Variants in NUB1 observed in about 807,000 individuals in gnomAD.
The protein encoded by NUB1 is NEDD8 ultimate buster 1.
A neutral mutation model predicts 77.1 loss-of-function variants in NUB1; 41 were observed. The ratio of observed to expected loss-of-function variants is 0.53; its 90% CI spans 0.41 to 0.69. The LOEUF (loss-of-function observed/expected upper bound fraction) is 0.69. NUB1 is among the 30% of genes least tolerant of loss of function. The pLI is 0.00. For missense variants in NUB1, 643 were observed against 743.8 expected, an observed-to-expected ratio of 0.86 and a Z score of 1.58; for synonymous variants, 257 against 281.0, an observed-to-expected ratio of 0.91 and a Z score of 0.85.
intron 3 of NUB1, 45 bp downstream of exon 3, chr7:151,349,285 G>A (rs1209186497): frequency 6.9e-7 from 1 of 1,455,772 alleles, no homozygotes; most frequent in East Asian, 2.3e-5. Context: ...TGTCCAGTTA[G>A]TGATGAGGTC....
chr7:151,372,509 CTGTAT>C (rs1367615599), intron 11 of NUB1, among the ~76,000 whole-genome samples: 1 of 152,124 alleles, frequency 6.6e-6, no homozygotes, highest in African/African-American at 2.4e-5. Flanking sequence ...ATGGAAGAAA[CTGTAT>C]TGAAAGCAGA....
At chr7:151,368,008 TA>T in intron 10 of NUB1, 40 bp downstream of exon 10, 4 of 1,157,462 alleles carry the variant, frequency 3.5e-6, no homozygotes, top group Admixed American at 2.4e-5. Flanking sequence ...CACCTCCTTT[TA>T]AAAAACATTC....
chr7:151,375,938 G>T lies in NUB1; in HGVS notation c.1486G>T (p.Asp496Tyr). 1 of 1,607,456 alleles carries T rather than the reference G, an allele frequency of 6.2e-7. No individual in the cohort carries two copies. Among genetic ancestry groups the T allele is most frequent in the South Asian group, 1.1e-5 (1 of 90,876 alleles). Residue 496 changes from aspartate to tyrosine, a missense_variant, in exon 13 of 15, where the codon GAC becomes TAC. By Grantham distance (160) the Asp-to-Tyr change is radical. Coordinates refer to ENST00000568733, the MANE Select transcript of NUB1 (RefSeq NM_001243351.2). Reference sequence around the variant, plus strand: ...AGAAAGTCCTTCCCAGGAAAACATTGACCGAGTGAGTGACAGGCCTTTGTG... The same window carrying T: ...AGAAAGTCCTTCCCAGGAAAACATTTACCGAGTGAGTGACAGGCCTTTGTG... ...RQESPSQENI[D>Y]RLVYMGFDAL...
At position 151,377,355 on chromosome 7, in the gene NUB1, A is replaced by G. The variant is rs1798350128; in HGVS notation, c.*130A>G. 6 of 623,172 alleles carry G rather than the reference A, an allele frequency of 9.6e-6. No homozygotes were observed. The East Asian group carries it at 1.9e-4, about 20-fold the overall frequency. 38.6% of individuals were successfully genotyped at this position (623,172 alleles called of 1,614,324 possible). On this transcript the variant is annotated 3_prime_UTR_variant, in exon 15 of 15. Transcript: ENST00000568733. ...TCTTTGGGTGTAGGAGGGGGTGGGC[A>G]GGGGACAAGTCCAGGAGGGGTCCCA...
intron 5 of NUB1, 136 bp from the exon 6 acceptor site, chr7:151,355,632 C>A (rs1797029396): frequency 1.2e-6 from 1 of 835,186 alleles, no homozygotes; most frequent in Non-Finnish European, 1.8e-6. Flanking sequence ...ATGATCGTGT[C>A]ACTGCACTCC....
chr7:151,374,801 C>A (rs567144070), intron 12 of NUB1, among the ~76,000 whole-genome samples: 1 of 152,072 alleles, frequency 6.6e-6, no homozygotes, highest in African/African-American at 2.4e-5. Flanking sequence ...TGCTGCGCTG[C>A]GTCTCAGCAG....
Position 151,368,807 on chromosome 7 carries a change from G to A in NUB1, c.1168G>A (p.Ala390Thr), listed in dbSNP as rs971961280. ...VDNLLQLGFTAQEARLGLRAC... is the reference protein window; with the variant it reads ...VDNLLQLGFTTQEARLGLRAC... The stretch of plus-strand genomic sequence containing the variant: ...CAATTTGTTGCAGTTGGGGTTTACT[G>A]CCCAGGAAGCCCGGCTTGGCCTGAG... Residue 390 changes from alanine to threonine, a missense_variant, in exon 11 of 15, where the codon GCC becomes ACC. Coordinates refer to ENST00000568733, the MANE Select transcript of NUB1 (RefSeq NM_001243351.2). 2.5e-6 allele frequency: 4 copies of A among 1,613,900 alleles called. No homozygotes were observed. In the African/African-American group the frequency reaches 4.0e-5, roughly 16 times the overall value.
Position 151,345,393 on chromosome 7 carries a change from T to C in NUB1, c.44T>C (p.Leu15Ser). The C allele has an allele frequency of 6.2e-7, 1 of 1,613,030 alleles. No homozygotes were observed. Among genetic ancestry groups the C allele is most frequent in the Non-Finnish European group, 8.5e-7 (1 of 1,179,488 alleles). ...CTTCAAGCAAAATTGACCCAGTTTTTAAGGGAAGACAGGATTCAACTTTGG... is the reference window on the plus strand; with the variant it reads ...CTTCAAGCAAAATTGACCCAGTTTTCAAGGGAAGACAGGATTCAACTTTGG... Reference protein sequence around the residue: ...KYLQAKLTQFLREDRIQLWKP... With the variant: ...KYLQAKLTQFSREDRIQLWKP... Residue 15 changes from leucine to serine, a missense_variant, in exon 2 of 15, where the codon TTA (leucine) becomes TCA (serine). By Grantham distance (145) the Leu-to-Ser change is moderately radical (BLOSUM62 -2). Coordinates refer to ENST00000568733, the MANE Select transcript of NUB1 (RefSeq NM_001243351.2).
chr7:151,351,549 T>C (rs956435170), intron 4 of NUB1, 67 bp downstream of exon 4: 3 of 1,132,850 alleles, frequency 2.6e-6, no homozygotes, highest in African/African-American at 1.6e-5. Flanking sequence ...TTTGATCCTC[T>C]GTGAGCGTCC....
chr7:151,355,663 A>T (rs1177539290), intron 5 of NUB1, 105 bp from the exon 6 acceptor site: 5 of 1,145,924 alleles, frequency 4.4e-6, no homozygotes, highest in Non-Finnish European at 6.1e-6. Flanking sequence ...ACAGAGTGAG[A>T]CCTTGTCTCA....
chr7:151,369,982 A>G (rs957223366), intron 11 of NUB1, among the ~76,000 whole-genome samples: 1 of 152,116 alleles, frequency 6.6e-6, no homozygotes, highest in African/African-American at 2.4e-5. Flanking sequence ...TTCTCCTTTT[A>G]CAACACCAGC....
intron 1 of NUB1, among the ~76,000 whole-genome samples, chr7:151,343,667 T>G (rs1353309428): frequency 6.6e-6 from 1 of 152,092 alleles, no homozygotes; most frequent in East Asian, 1.9e-4. Context: ...ATGGGATGAG[T>G]AGACAGCTCC....
chr7:151,346,109 T>C (rs1796496871), intron 2 of NUB1, among the ~76,000 whole-genome samples: 1 of 152,218 alleles, frequency 6.6e-6, no homozygotes, highest in African/African-American at 2.4e-5. Flanking sequence ...GAACATGATG[T>C]AACATTTATC....
chr7:151,360,035 T>C (rs1797295447), intron 7 of NUB1, 106 bp from the exon 8 acceptor site: 1 of 573,946 alleles, frequency 1.7e-6, no homozygotes. Context: ...GTTATGATCT[T>C]GTTTTCATTT....
intron 1 of NUB1, 134 bp downstream of exon 1, chr7:151,341,980 G>T (rs1796228765): frequency 7.6e-7 from 1 of 1,309,174 alleles, no homozygotes; most frequent in Non-Finnish European, 9.7e-7. Flanking sequence ...GCAGCCATGC[G>T]TGGAGCTGGG....
chr7:151,353,895 T>A (rs1317997333), intron 5 of NUB1, among the ~76,000 whole-genome samples: 2 of 152,232 alleles, frequency 1.3e-5, no homozygotes, highest in Non-Finnish European at 2.9e-5. Context: ...TTGTCTATTT[T>A]AGATGTCATG....
At position 151,366,967 on chromosome 7, in the gene NUB1, G is replaced by A; in HGVS notation, c.829G>A (p.Val277Met). Residue 277 changes from valine to methionine, a missense_variant, in exon 9 of 15, where the codon GTG becomes ATG. Physicochemically the swap from Val to Met is conservative, Grantham distance 21. Coordinates refer to ENST00000568733, the MANE Select transcript of NUB1 (RefSeq NM_001243351.2). ...CECCRELLDT[V>M]DNYAVLQLDI... ...GTGTTGCAGAGAGCTGCTGGACACA[G>A]TGGATAACTACGCCGTCCTCCAGCT... 1 of 1,612,966 alleles carries A rather than the reference G, an allele frequency of 6.2e-7. No individual in the cohort carries two copies. Among genetic ancestry groups the A allele is most frequent in the Admixed American group, 1.7e-5 (1 of 59,854 alleles).
At chr7:151,370,199 G>T (rs1396806760) in intron 11 of NUB1, among the ~76,000 whole-genome samples, 1 of 151,730 alleles carries the variant, frequency 6.6e-6, no homozygotes, top group Non-Finnish European at 1.5e-5. Flanking sequence ...TGATTCTTCT[G>T]CCTTAGCCTT....
intron 8 of NUB1, chr7:151,360,507 C>T: frequency 2.9e-6 from 1 of 349,944 alleles, no homozygotes; most frequent in Middle Eastern, 7.9e-4. Context: ...CTAGTCGGAA[C>T]TTTCCATTAT....
Sources: gnomAD v4.1 joint callset for allele counts (sites outside exome capture counted in the v4.1 genomes callset) on GRCh38, gnomAD v4.1.1 for gene constraint, MANE v1.5 for transcripts, NCBI Gene and HGNC (gene_info 2026-07-23, HGNC 2026-07-21) for gene names.